The following DIAPH2 variants were observed in gnomAD, a reference collection of about 807,000 sequenced individuals.
DIAPH2 encodes protein diaphanous homolog 2.
DIAPH2 carries 35 observed loss-of-function variants against 92.7 expected under a neutral mutation model. That is an observed-to-expected ratio of 0.38 (90% CI 0.29 to 0.50). DIAPH2 has a LOEUF of 0.50. DIAPH2 is among the 20% of genes least tolerant of loss of function. DIAPH2 has a pLI of 0.94. For synonymous variants in DIAPH2, 301 were observed against 280.4 expected, an observed-to-expected ratio of 1.07 and a Z score of -0.73; for missense variants, 701 against 819.5, an observed-to-expected ratio of 0.86 and a Z score of 1.77.
intron 26 of DIAPH2, among the ~76,000 whole-genome samples, chrX:97,507,702 A>G (rs2147834046): frequency 8.9e-6 from 1 of 111,951 alleles, no homozygotes; most frequent in East Asian, 2.8e-4. Flanking sequence ...AGATAAAACC[A>G]TTTTGCTCCA....
intron 22 of DIAPH2, among the ~76,000 whole-genome samples, chrX:97,240,813 T>C (rs2068087818): frequency 9.0e-6 from 1 of 111,259 alleles, no homozygotes; most frequent in Non-Finnish European, 1.9e-5. Flanking sequence ...GTACTAGGTA[T>C]AATAATAAGT....
At chrX:97,062,102 A>G (rs915406803) in intron 17 of DIAPH2, among the ~76,000 whole-genome samples, 3 of 111,717 alleles carry the variant, frequency 2.7e-5, no homozygotes, top group Non-Finnish European at 3.8e-5. Context: ...CTTGCCCTCA[A>G]TGATATATCT....
intron 25 of DIAPH2, among the ~76,000 whole-genome samples, chrX:97,421,874 A>T (rs1481568067): frequency 9.0e-6 from 1 of 110,925 alleles, no homozygotes; most frequent in African/African-American, 3.3e-5. Flanking sequence ...TACCTATCCA[A>T]CTGTAACTCC....
intron 17 of DIAPH2, among the ~76,000 whole-genome samples, chrX:96,976,136 C>G (rs1375346495): frequency 1.8e-5 from 2 of 108,656 alleles, no homozygotes; most frequent in Non-Finnish European, 3.8e-5. Flanking sequence ...CTCAGCCTCC[C>G]TGGTAGCTGG....
intron 24 of DIAPH2, among the ~76,000 whole-genome samples, chrX:97,364,764 T>TTTTTGTTTTTG (rs1236204407): frequency 9.5e-6 from 1 of 105,295 alleles, no homozygotes; most frequent in African/African-American, 3.5e-5. Flanking sequence ...CTGGTGTTTT[T>TTTTTGTTTTTG]TTTTTTTTTT....
chrX:97,244,623 A>G (rs777410437), intron 22 of DIAPH2, among the ~76,000 whole-genome samples: 1 of 112,094 alleles, frequency 8.9e-6, no homozygotes, highest in East Asian at 2.8e-4. Flanking sequence ...GAGGTTTTCT[A>G]TAGTATGTTT....
intron 1 of DIAPH2, among the ~76,000 whole-genome samples, chrX:96,702,476 T>C (rs2063861065): frequency 8.9e-6 from 1 of 112,205 alleles, no homozygotes; most frequent in Non-Finnish European, 1.9e-5. Flanking sequence ...AGTGCTACTG[T>C]AGAAGGAAAA....
intron 23 of DIAPH2, among the ~76,000 whole-genome samples, chrX:97,312,267 A>G (rs1440716339): frequency 2.7e-5 from 3 of 109,846 alleles, no homozygotes; most frequent in Non-Finnish European, 5.7e-5. Context: ...CTCAGTTACA[A>G]TTTTGCAATG....
At chrX:96,739,068 G>A (rs779287679) in intron 3 of DIAPH2, among the ~76,000 whole-genome samples, 5 of 111,394 alleles carry the variant, frequency 4.5e-5, no homozygotes, top group Admixed American at 9.6e-5. Context: ...ACTGATTTGT[G>A]TGTCTGTTTC....
chrX:97,206,160 C>T (rs1438954200), intron 22 of DIAPH2, among the ~76,000 whole-genome samples: 1 of 110,054 alleles, frequency 9.1e-6, no homozygotes, highest in Non-Finnish European at 1.9e-5. Context: ...GTCATGGGGT[C>T]GGAGTCAAGG....
At chrX:97,323,903 C>CAAAAA (rs1052365967) in intron 23 of DIAPH2, among the ~76,000 whole-genome samples, 4 of 39,172 alleles carry the variant, frequency 1.0e-4, no homozygotes, top group African/African-American at 2.6e-4. Flanking sequence ...AACTCTGTCT[C>CAAAAA]AAAAAAAAAA....
intron 4 of DIAPH2, among the ~76,000 whole-genome samples, chrX:96,765,510 A>G (rs1330574751): frequency 9.0e-6 from 1 of 111,669 alleles, no homozygotes; most frequent in Non-Finnish European, 1.9e-5. Flanking sequence ...ACATAATTCT[A>G]TTATAGTATA....
intron 5 of DIAPH2, among the ~76,000 whole-genome samples, chrX:96,894,974 A>ATTTTTTTTTTTTTTTTTTTTTTT (rs766131166): frequency 1.7e-5 from 1 of 59,529 alleles, no homozygotes; most frequent in Non-Finnish European, 3.1e-5. Flanking sequence ...GTTTTTCTTA[A>ATTTTTTTTTTTTTTTTTTTTTTT]TTTTTTTTTT....
chrX:97,456,277 CT>C (rs2070403865), intron 26 of DIAPH2, among the ~76,000 whole-genome samples: 1 of 110,642 alleles, frequency 9.0e-6, no homozygotes, highest in African/African-American at 3.3e-5. Flanking sequence ...GTCCCAGCTA[CT>C]CGCAAGGCTG....
At chrX:97,052,356 A>AG (rs1366174151) in intron 17 of DIAPH2, among the ~76,000 whole-genome samples, 2 of 111,087 alleles carry the variant, frequency 1.8e-5, no homozygotes, top group Non-Finnish European at 3.8e-5. Flanking sequence ...AGGCAATAGT[A>AG]GGTATATAAC....
At chrX:97,311,657 G>A (rs1164580076) in intron 23 of DIAPH2, among the ~76,000 whole-genome samples, 16 of 111,168 alleles carry the variant, frequency 1.4e-4, no homozygotes, top group Admixed American at 1.3e-3. Flanking sequence ...TGCAGGGTCT[G>A]CACAATTTCT....
intron 5 of DIAPH2, among the ~76,000 whole-genome samples, chrX:96,903,009 T>A (rs2065408949): frequency 9.0e-6 from 1 of 111,299 alleles, no homozygotes; most frequent in African/African-American, 3.3e-5. Flanking sequence ...TATCACACTC[T>A]GTAATAAGTC....
At chrX:97,087,429 A>G (rs996169527) in intron 19 of DIAPH2, among the ~76,000 whole-genome samples, 19 of 111,800 alleles carry the variant, frequency 1.7e-4, no homozygotes, top group African/African-American at 5.8e-4. Flanking sequence ...CTTGAGTGCT[A>G]TGACTAATTG....
At chrX:97,211,736 G>A (rs2067842171) in intron 22 of DIAPH2, among the ~76,000 whole-genome samples, 1 of 111,331 alleles carries the variant, frequency 9.0e-6, no homozygotes, top group Non-Finnish European at 1.9e-5. Context: ...TCTTTCCTGA[G>A]TCTTTATACA....
Sources: gnomAD v4.1 joint callset for allele counts (sites outside exome capture counted in the v4.1 genomes callset) on GRCh38, gnomAD v4.1.1 for gene constraint, MANE v1.5 for transcripts, NCBI Gene and HGNC (gene_info 2026-07-23, HGNC 2026-07-21) for gene names.